CHST9: variants seen among roughly 807,000 people sequenced by gnomAD.
The protein encoded by CHST9 is carbohydrate sulfotransferase 9.
A neutral mutation model predicts 44.4 loss-of-function variants in CHST9; 41 were observed. The observed-to-expected ratio is 0.92, with a 90% confidence interval of 0.72 to 1.20. The LOEUF is 1.20. Among genes scored for constraint, CHST9 ranks in the 50% most tolerant of loss-of-function variants. The pLI is 0.00. For synonymous variants in CHST9, 171 were observed against 178.4 expected (o/e 0.96, Z 0.33); for missense variants, 504 against 516.5 (o/e 0.98, Z 0.23).
At chr18:27,121,087 G>C (rs1258245640) in intron 2 of CHST9, among the ~76,000 whole-genome samples, 1 of 152,114 alleles carries the variant, frequency 6.6e-6, no homozygotes, top group African/African-American at 2.4e-5. Context: ...CTGAAGCCTT[G>C]ACCTTCCTGG....
At chr18:27,008,232 T>C (rs1343296915) in intron 4 of CHST9, among the ~76,000 whole-genome samples, 2 of 152,174 alleles carry the variant, frequency 1.3e-5, no homozygotes, top group African/African-American at 4.8e-5. Flanking sequence ...TTCTATTAAC[T>C]TCTCTGGAAC....
At chr18:27,180,062 TG>T (rs1259972888) in intron 1 of CHST9, among the ~76,000 whole-genome samples, 6 of 152,162 alleles carry the variant, frequency 3.9e-5, no homozygotes, top group Non-Finnish European at 2.9e-5. Context: ...AGTCTACATT[TG>T]ACTTGGCAAA....
chr18:27,094,435 G>T (rs1204222959), intron 2 of CHST9, among the ~76,000 whole-genome samples: 1 of 152,052 alleles, frequency 6.6e-6, no homozygotes, highest in Non-Finnish European at 1.5e-5. Context: ...TTTCTGTCAG[G>T]TGATAACATC....
chr18:26,938,352 CCTT>C (rs1242106608), intron 5 of CHST9, among the ~76,000 whole-genome samples: 4 of 152,074 alleles, frequency 2.6e-5, no homozygotes, highest in Admixed American at 6.5e-5. Flanking sequence ...TCCTTTCAGT[CCTT>C]CTTTCAGGAT....
At chr18:27,148,735 T>C (rs2058635858) in intron 1 of CHST9, among the ~76,000 whole-genome samples, 1 of 137,050 alleles carries the variant, frequency 7.3e-6, no homozygotes, top group South Asian at 2.8e-4. Context: ...CATGTGTCTT[T>C]ATAGCAGCAT....
intron 4 of CHST9, among the ~76,000 whole-genome samples, chr18:26,993,582 A>G (rs749279497): frequency 2.0e-5 from 3 of 152,206 alleles, no homozygotes; most frequent in African/African-American, 4.8e-5. Flanking sequence ...ATGAGGAAAC[A>G]ATATAATAAA....
chr18:27,106,263 T>C (rs2058220430), intron 2 of CHST9, among the ~76,000 whole-genome samples: 2 of 152,300 alleles, frequency 1.3e-5, no homozygotes, highest in South Asian at 2.1e-4. Flanking sequence ...GACAGTCCCA[T>C]GCTGTGTGGG....
chr18:27,158,518 G>A (rs181953150), intron 1 of CHST9, among the ~76,000 whole-genome samples: 3,493 of 150,694 alleles, frequency 0.023, 120 homozygotes, highest in South Asian at 0.14. Flanking sequence ...TGGACATTTG[G>A]GTTGGTTCCA....
Position 26,985,875 on chromosome 18 carries a change from C to T in CHST9, c.202+38241G>A, listed in dbSNP as rs529809064. On this transcript the variant is annotated intron_variant, in intron 4 of 5. Coordinates refer to ENST00000618847, the MANE Select transcript of CHST9 (RefSeq NM_031422.6). ...TAGATGCAAAAATCTTCCCAATGTTCGAGAAGGTCCTGCCTCAGTGTTAAT... is the reference window on the plus strand; with the variant it reads ...TAGATGCAAAAATCTTCCCAATGTTTGAGAAGGTCCTGCCTCAGTGTTAAT... Among the ~76,000 whole-genome samples the T allele has an allele frequency of 2.6e-5, 4 of 152,194 alleles. No homozygotes were observed. The South Asian group carries it at 6.2e-4, about 24-fold the overall frequency.
intron 4 of CHST9, among the ~76,000 whole-genome samples, chr18:26,947,929 T>C (rs1273469360): frequency 6.6e-6 from 1 of 152,172 alleles, no homozygotes; most frequent in Non-Finnish European, 1.5e-5. Flanking sequence ...ATCATTCTAC[T>C]ATAAAGACAC....
Position 27,170,771 on chromosome 18 carries a change from G to A in CHST9, c.-97+14365C>T, listed in dbSNP as rs543001945. Among the ~76,000 whole-genome samples the A allele has an allele frequency of 2.6e-5, 4 of 152,246 alleles. No homozygotes were observed. In the East Asian group the frequency reaches 5.8e-4, roughly 22 times the overall value. On this transcript the variant is annotated intron_variant, in intron 1 of 5. Transcript: ENST00000618847. The stretch of plus-strand genomic sequence containing the variant: ...AACTGTCAAGCATACCTGCTAAATC[G>A]TGTAAAATCTAGAGGGAGAAGAGAA...
intron 4 of CHST9, among the ~76,000 whole-genome samples, chr18:26,958,971 T>C (rs141578518): frequency 6.6e-6 from 1 of 152,306 alleles, no homozygotes; most frequent in Non-Finnish European, 1.5e-5. Context: ...TTACAGGGTA[T>C]ATATACAAAA....
chr18:27,163,922 G>C (rs1295285742), intron 1 of CHST9, among the ~76,000 whole-genome samples: 1 of 152,168 alleles, frequency 6.6e-6, no homozygotes, highest in Non-Finnish European at 1.5e-5. Context: ...GGGAGCTGTA[G>C]ACTGGAGCTG....
At chr18:26,969,987 T>G (rs756097126) in intron 4 of CHST9, among the ~76,000 whole-genome samples, 13 of 152,216 alleles carry the variant, frequency 8.5e-5, no homozygotes, top group Non-Finnish European at 1.3e-4. Context: ...GCCATTTACT[T>G]CTTTGTTTCC....
chr18:26,939,751 C>T (rs1258745795), intron 5 of CHST9, among the ~76,000 whole-genome samples: 1 of 152,134 alleles, frequency 6.6e-6, no homozygotes, highest in Non-Finnish European at 1.5e-5. Flanking sequence ...ACAGGACGGA[C>T]CCTGGACTTA....
chr18:27,065,584 C>CTTTTT (rs56023514), intron 2 of CHST9, among the ~76,000 whole-genome samples: 1 of 128,718 alleles, frequency 7.8e-6, no homozygotes, highest in Non-Finnish European at 1.6e-5. Context: ...TCGTTCACTG[C>CTTTTT]TTTTTTTTTT....
intron 2 of CHST9, among the ~76,000 whole-genome samples, chr18:27,141,442 T>C (rs1380990909): frequency 1.3e-5 from 2 of 151,330 alleles, no homozygotes; most frequent in South Asian, 2.1e-4. Flanking sequence ...AATACAAAAA[T>C]TAGCCGGGTG....
intron 1 of CHST9, among the ~76,000 whole-genome samples, chr18:27,158,913 G>GAA (rs1364075770): frequency 6.6e-6 from 1 of 152,202 alleles, no homozygotes; most frequent in Non-Finnish European, 1.5e-5. Context: ...CTTTTGAGAA[G>GAA]TGTCTGTCTG....
At chr18:26,963,821 T>C (rs1193657201) in intron 4 of CHST9, among the ~76,000 whole-genome samples, 1 of 152,210 alleles carries the variant, frequency 6.6e-6, no homozygotes, top group Non-Finnish European at 1.5e-5. Flanking sequence ...AGACAATCCC[T>C]ACCTCTTGAG....
Sources: allele counts gnomAD v4.1 joint callset (sites outside exome capture counted in the v4.1 genomes callset), GRCh38; gene constraint gnomAD v4.1.1; transcripts MANE v1.5; gene names NCBI Gene and HGNC (gene_info 2026-07-23, HGNC 2026-07-21).